Variants in MAP7 observed in about 807,000 individuals in gnomAD.
The protein encoded by MAP7 is ensconsin.
In MAP7, 52 loss-of-function variants were observed where a neutral mutation model predicts 94.8. The ratio of observed to expected loss-of-function variants is 0.55; its 90% CI spans 0.44 to 0.69. MAP7 has a LOEUF of 0.69. Ranked by LOEUF, MAP7 falls within the 30% of genes least tolerant of loss-of-function variation. The probability of loss-of-function intolerance (pLI) is 0.00; values close to 1 mark genes in which losing one functional copy is unlikely to be tolerated. For synonymous variants in MAP7, 350 were observed against 357.0 expected, an observed-to-expected ratio of 0.98 and a Z score of 0.22; for missense variants, 940 against 964.6, an observed-to-expected ratio of 0.97 and a Z score of 0.34.
At chr6:136,354,123 T>TA (rs1554228726) in intron 16 of MAP7, among the ~76,000 whole-genome samples, 3 of 142,178 alleles carry the variant, frequency 2.1e-5, no homozygotes, top group Admixed American at 1.4e-4. Context: ...TATATATATA[T>TA]TATATATATA....
intron 6 of MAP7, among the ~76,000 whole-genome samples, chr6:136,382,911 T>C (rs747416273): frequency 6.6e-6 from 1 of 152,188 alleles, no homozygotes; most frequent in African/African-American, 2.4e-5. Flanking sequence ...TTTAAAATCA[T>C]CTTAGTTATG....
chr6:136,347,230 T>C (rs1787959927), intron 16 of MAP7, among the ~76,000 whole-genome samples: 1 of 152,222 alleles, frequency 6.6e-6, no homozygotes, highest in Non-Finnish European at 1.5e-5. Context: ...TGTGCAAGCT[T>C]CAAAACTTGT....
chr6:136,549,410 A>T (rs1401900532), intron 1 of MAP7, among the ~76,000 whole-genome samples: 1 of 152,164 alleles, frequency 6.6e-6, no homozygotes, highest in African/African-American at 2.4e-5. Flanking sequence ...AGAGGGACGG[A>T]TTTGCAAGAT....
At chr6:136,504,634 G>A (rs1012603916) in intron 1 of MAP7, among the ~76,000 whole-genome samples, 5 of 146,590 alleles carry the variant, frequency 3.4e-5, no homozygotes, top group Admixed American at 2.7e-4. Flanking sequence ...CTGAGCCACC[G>A]CATCCAGCCC....
intron 17 of MAP7, 177 bp downstream of exon 17, chr6:136,345,679 C>T: frequency 2.9e-6 from 2 of 687,264 alleles, no homozygotes; most frequent in South Asian, 3.1e-5. Flanking sequence ...AGAAGTTGTC[C>T]AATCCAACTC....
chr6:136,365,470 C>T (rs1794025773), intron 10 of MAP7, among the ~76,000 whole-genome samples: 1 of 152,204 alleles, frequency 6.6e-6, no homozygotes, highest in Non-Finnish European at 1.5e-5. Context: ...ATCAAGCACA[C>T]AGGCTACGCC....
At chr6:136,515,450 C>G (rs1358333617) in intron 1 of MAP7, among the ~76,000 whole-genome samples, 1 of 152,232 alleles carries the variant, frequency 6.6e-6, no homozygotes, top group African/African-American at 2.4e-5. Context: ...TAGCTCTCAG[C>G]CTATCTAGGC....
At position 136,495,632 on chromosome 6, in the gene MAP7, T is replaced by C. The variant is rs184924572; in HGVS notation, c.67+54710A>G. ...ATTTTCAGATTAGGGTTACTCAACC[T>C]GTATAAGTTTTTTTAAAAAATGTAT... is the stretch of plus-strand genomic sequence containing the variant. On this transcript the variant is annotated intron_variant, in intron 1 of 17. Transcript: ENST00000354570. 1.4e-3 allele frequency among the ~76,000 whole-genome samples: 218 copies of C among 152,316 alleles called. 2 individuals carry two copies. The highest frequency in any genetic ancestry group is 4.1e-3 in the African/African-American group (172 of 41,562).
intron 1 of MAP7, among the ~76,000 whole-genome samples, chr6:136,496,778 A>G (rs1042644613): frequency 1.5e-5 from 1 of 66,896 alleles, no homozygotes; most frequent in Non-Finnish European, 2.7e-5. Flanking sequence ...CGTCTCTACT[A>G]AAAAAAAAAA....
rs142092958 is a variant in MAP7, at chr6:136,428,376, C to T, written c.68-6577G>A. On this transcript the variant is annotated intron_variant, in intron 1 of 17. Coordinates refer to ENST00000354570, the MANE Select transcript of MAP7 (RefSeq NM_003980.6). ...ACTAAGCATACAAAAATTAGCCAGG[C>T]GTGGTGGTGCACGCCTGTAATTAAT... Among the ~76,000 whole-genome samples, 307 of 152,086 alleles carry T rather than the reference C, an allele frequency of 2.0e-3. 3 individuals are homozygous for T. Among genetic ancestry groups the T allele is most frequent in the Non-Finnish European group, 2.4e-3 (160 of 67,994 alleles).
chr6:136,439,499 C>T (rs1225292824), intron 1 of MAP7, among the ~76,000 whole-genome samples: 1 of 152,126 alleles, frequency 6.6e-6, no homozygotes, highest in East Asian at 1.9e-4. Context: ...CGGTCTAAGA[C>T]AATACCTAAA....
chr6:136,538,045 G>A (rs956184014), intron 1 of MAP7, among the ~76,000 whole-genome samples: 3 of 152,148 alleles, frequency 2.0e-5, no homozygotes, highest in African/African-American at 4.8e-5. Context: ...GCCTCCCAAA[G>A]TGCTGGGATT....
chr6:136,449,204 A>G (rs12527398), intron 1 of MAP7, among the ~76,000 whole-genome samples: 2,413 of 152,212 alleles, frequency 0.016, 84 homozygotes, highest in East Asian at 0.14. Flanking sequence ...CTGAGGCAGG[A>G]GAATGGCGTG....
At chr6:136,474,671 T>C (rs75991449) in intron 1 of MAP7, among the ~76,000 whole-genome samples, 2,094 of 152,248 alleles carry the variant, frequency 0.014, 84 homozygotes, top group East Asian at 0.14. Context: ...CTATATTTTA[T>C]GTAGTTTATT....
At chr6:136,462,710 C>T (rs1805637670) in intron 1 of MAP7, among the ~76,000 whole-genome samples, 1 of 151,960 alleles carries the variant, frequency 6.6e-6, no homozygotes, top group South Asian at 2.1e-4. Context: ...ACCTGTAATT[C>T]CAGCACTTTA....
rs770553006 is a variant in MAP7 at position 136,356,797 on chromosome 6, GGGCATA to G, written c.1913-9_1913-4del. 6.2e-7 allele frequency: 1 copy of G among 1,612,196 alleles called. No individual in the cohort carries two copies. Among genetic ancestry groups the G allele is most frequent in the Non-Finnish European group, 8.5e-7 (1 of 1,178,360 alleles). On this transcript the variant is annotated splice_region_variant and splice_polypyrimidine_tract_variant and intron_variant, in intron 15 of 17. Transcript: ENST00000354570. ...TGTACATGGAAGTGCAGACACCTCT[GGGCATA>G]GTAAAGGAGACAGAACACAGGGTTA... is the stretch of plus-strand genomic sequence containing the variant.
At chr6:136,464,336 C>T (rs1806230927) in intron 1 of MAP7, among the ~76,000 whole-genome samples, 1 of 152,140 alleles carries the variant, frequency 6.6e-6, no homozygotes, top group Non-Finnish European at 1.5e-5. Context: ...GTTCCTGCTA[C>T]CTGTGGTCAA....
At chr6:136,410,223 G>A (rs1378377413) in intron 3 of MAP7, among the ~76,000 whole-genome samples, 4 of 151,964 alleles carry the variant, frequency 2.6e-5, no homozygotes, top group African/African-American at 7.2e-5. Context: ...ATGAATCCAC[G>A]CTATAACTAA....
chr6:136,477,341 T>C (rs1480882348), intron 1 of MAP7, among the ~76,000 whole-genome samples: 1 of 152,220 alleles, frequency 6.6e-6, no homozygotes, highest in Non-Finnish European at 1.5e-5. Flanking sequence ...TTCAAAAATG[T>C]AATATCATGA....
Sources: gnomAD v4.1 joint callset for allele counts (sites outside exome capture counted in the v4.1 genomes callset) on GRCh38, gnomAD v4.1.1 for gene constraint, MANE v1.5 for transcripts, NCBI Gene and HGNC (gene_info 2026-07-23, HGNC 2026-07-21) for gene names.